Variants in THNSL1 observed in about 807,000 individuals in gnomAD.
THNSL1 encodes the protein threonine synthase like 1.
A neutral mutation model predicts 50.4 loss-of-function variants in THNSL1; 48 were observed. The observed-to-expected ratio is 0.95, with a 90% confidence interval of 0.76 to 1.21. The LOEUF (loss-of-function observed/expected upper bound fraction) is 1.21. Ranked by LOEUF, THNSL1 falls within the 50% of genes most tolerant of loss-of-function variation. THNSL1 has a pLI of 0.00. For synonymous variants in THNSL1, 309 were observed against 306.1 expected, an observed-to-expected ratio of 1.01 and a Z score of -0.10; for missense variants, 896 against 871.7, an observed-to-expected ratio of 1.03 and a Z score of -0.35.
chr10:24,952,790 C>T, the THNSL1 span, among the ~76,000 whole-genome samples: 10 of 151,326 alleles, frequency 6.6e-5, no homozygotes, highest in Middle Eastern at 3.2e-3. This position sits in a 1 kb window ranked among gnomAD's most constrained non-coding sequence, Gnocchi z 5.1. Flanking sequence ...GGCTAGGCCG[C>T]GGGGGCGCGG....
rs756255367 is a variant in THNSL1 at position 25,025,194 on chromosome 10, T to C, written c.1971T>C (p.Thr657=). The change falls in exon 3 of 3, where the codon ACT becomes ACC. Residue 657 remains threonine, a synonymous_variant. Transcript: ENST00000376356. ...KVVADRVQDK[T]CPVIISSTAH... ...TTGCAGATAGGGTGCAAGACAAAAC[T>C]TGCCCTGTGATTATCTCATCTACAG... The C allele has an allele frequency of 6.2e-7, 1 of 1,614,188 alleles. No individual in the cohort carries two copies. Among genetic ancestry groups the C allele is most frequent in the South Asian group, 1.1e-5 (1 of 91,084 alleles).
upstream of THNSL1, among the ~76,000 whole-genome samples, chr10:25,013,284 A>G (rs1243756647): frequency 6.6e-6 from 1 of 152,246 alleles, no homozygotes; most frequent in African/African-American, 2.4e-5. Flanking sequence ...GATATAAAAG[A>G]CATATTTATT....
the THNSL1 span, among the ~76,000 whole-genome samples, chr10:24,961,846 G>T: frequency 6.6e-6 from 1 of 152,154 alleles, no homozygotes; most frequent in Non-Finnish European, 1.5e-5. Context: ...TTTAAAACCA[G>T]ACTCCACCAC....
chr10:24,994,184 G>C, the THNSL1 span, among the ~76,000 whole-genome samples: 2 of 152,012 alleles, frequency 1.3e-5, no homozygotes, highest in African/African-American at 4.8e-5. Flanking sequence ...TTAGGTCCCT[G>C]TACATCACTA....
At chr10:24,984,510 A>G in the THNSL1 span, 1 of 1,234,558 alleles carries the variant, frequency 8.1e-7, no homozygotes, top group Non-Finnish European at 1.1e-6. Flanking sequence ...CATATTCTCA[A>G]ATTTAATAGT....
Position 25,023,778 on chromosome 10 carries a change from A to G in THNSL1, c.555A>G (p.Leu185=). ...ATTCTGGAACATCTATGAAAGACTTACTTAAATTTAGAAGACAGTATTATA... is the reference window on the plus strand; with the variant it reads ...ATTCTGGAACATCTATGAAAGACTTGCTTAAATTTAGAAGACAGTATTATA... The part of the protein sequence containing the change: ...GQNSGTSMKD[L]LKFRRQYYKK... Residue 185 remains leucine (L), a synonymous_variant, in exon 3 of 3, where the codon TTA becomes TTG. Coordinates refer to ENST00000376356, the MANE Select transcript of THNSL1 (RefSeq NM_024838.5). The G allele has an allele frequency of 1.2e-6, 2 of 1,614,052 alleles. No individual in the cohort carries two copies. Among genetic ancestry groups the G allele is most frequent in the Middle Eastern group, 3.3e-4 (2 of 6,062 alleles).
At chr10:25,003,816 C>T in the THNSL1 span, among the ~76,000 whole-genome samples, 1 of 152,202 alleles carries the variant, frequency 6.6e-6, no homozygotes, top group Non-Finnish European at 1.5e-5. Flanking sequence ...TCCTGATCCT[C>T]TCCCTCCTTC....
the THNSL1 span, chr10:24,984,575 AATAACTCAATTAT>A: frequency 9.9e-7 from 1 of 1,010,470 alleles, no homozygotes; most frequent in African/African-American, 1.6e-5. Flanking sequence ...TGTGTAAGTG[AATAACTCAATTAT>A]TCTTTGCATA....
the THNSL1 span, chr10:24,999,698 C>T: frequency 1.4e-6 from 1 of 737,956 alleles, no homozygotes; most frequent in Non-Finnish European, 2.1e-6. Context: ...TGAGCCCTGT[C>T]CATCAGACTT....
the THNSL1 span, among the ~76,000 whole-genome samples, chr10:24,973,526 A>G: frequency 6.6e-6 from 1 of 152,168 alleles, no homozygotes; most frequent in Non-Finnish European, 1.5e-5. Context: ...ACAGGTAACT[A>G]AAACTGCAGA....
At chr10:24,995,955 T>G in the THNSL1 span, 2 of 1,101,984 alleles carry the variant, frequency 1.8e-6, no homozygotes, top group Non-Finnish European at 2.6e-6. Flanking sequence ...ATTTCACCAC[T>G]TGTATATTGA....
At chr10:24,958,571 G>T in the THNSL1 span, among the ~76,000 whole-genome samples, 52 of 152,292 alleles carry the variant, frequency 3.4e-4, 1 homozygote, top group Middle Eastern at 3.4e-3. Flanking sequence ...ATAGTAACCC[G>T]TCTTTCCCGG....
the THNSL1 span, among the ~76,000 whole-genome samples, chr10:24,979,778 T>C: frequency 6.6e-6 from 1 of 152,206 alleles, no homozygotes; most frequent in Non-Finnish European, 1.5e-5. Flanking sequence ...ACAATTTTCA[T>C]AAGCCTAACA....
At chr10:25,000,997 C>A in the THNSL1 span, among the ~76,000 whole-genome samples, 95 of 152,160 alleles carry the variant, frequency 6.2e-4, no homozygotes, top group African/African-American at 2.0e-3. Context: ...TTGCATCCAA[C>A]CCCACTCTTG....
rs765220072 is a variant in THNSL1 at position 25,023,323 on chromosome 10, T to A, written c.100T>A (p.Ser34Thr). 1 of 1,614,028 alleles carries A rather than the reference T, an allele frequency of 6.2e-7. No homozygotes were observed. Among genetic ancestry groups the A allele is most frequent in the Non-Finnish European group, 8.5e-7 (1 of 1,179,998 alleles). Residue 34 changes from serine (S) to threonine (T), a missense_variant, in exon 3 of 3, where the codon TCA becomes ACA. Transcript: ENST00000376356. ...KTDKHAQRFLSRTFALAELRK... is the reference protein window; with the variant it reads ...KTDKHAQRFLTRTFALAELRK... ...GGATAAACATGCACAGCGATTTCTT[T>A]CAAGAACCTTTGCACTTGCGGAATT...
At chr10:24,975,420 G>A in the THNSL1 span, among the ~76,000 whole-genome samples, 342 of 152,258 alleles carry the variant, frequency 2.2e-3, 3 homozygotes, top group African/African-American at 7.0e-3. Context: ...CTGAGCACAC[G>A]ATAGCAAACT....
intron 1 of THNSL1, among the ~76,000 whole-genome samples, chr10:25,020,953 T>A (rs909818346): frequency 4.6e-5 from 7 of 152,182 alleles, no homozygotes; most frequent in Non-Finnish European, 1.0e-4. Flanking sequence ...AGTACCAGAA[T>A]ATGGTTTAAT....
chr10:24,974,684 C>T, the THNSL1 span, among the ~76,000 whole-genome samples: 49 of 152,042 alleles, frequency 3.2e-4, no homozygotes, highest in South Asian at 1.0e-3. Context: ...TGGTTAATAC[C>T]GAAATAACTA....
rs1243314191 is a variant in THNSL1, at chr10:25,024,437, C to T, written c.1214C>T (p.Ala405Val). ...GATAAGCAAAGGATAGCTGTGGTTGCATTTTTTCCTGAGAATGGAGTAAGT... is the reference window on the plus strand; with the variant it reads ...GATAAGCAAAGGATAGCTGTGGTTGTATTTTTTCCTGAGAATGGAGTAAGT... ...KNDKQRIAVV[A>V]FFPENGVSDF... Residue 405 changes from alanine (A) to valine (V), a missense_variant, in exon 3 of 3, where the codon GCA (alanine) becomes GTA (valine). By Grantham distance (64) the Ala-to-Val change is moderately conservative (BLOSUM62 0). Transcript: ENST00000376356. The T allele has an allele frequency of 2.5e-6, 4 of 1,614,008 alleles. No homozygotes were observed. Among genetic ancestry groups the T allele is most frequent in the Non-Finnish European group, 3.4e-6 (4 of 1,180,024 alleles).
Sources: allele counts gnomAD v4.1 joint callset (sites outside exome capture counted in the v4.1 genomes callset), GRCh38; gene constraint gnomAD v4.1.1; non-coding constraint Gnocchi (gnomAD v3.1); transcripts MANE v1.5; gene names NCBI Gene and HGNC (gene_info 2026-07-23, HGNC 2026-07-21).